The following TACC1 variants were observed in gnomAD, a reference collection of about 807,000 sequenced individuals.
The protein encoded by TACC1 is transforming acidic coiled-coil containing protein 1, also known as transforming acidic coiled-coil-containing protein 1.
Under a neutral mutation model 84.4 loss-of-function variants are expected in TACC1, and 48 were observed. That is an observed-to-expected ratio of 0.57 (90% CI 0.45 to 0.72). The LOEUF is 0.72. Among genes scored for constraint, TACC1 ranks in the 30% least tolerant of loss-of-function variants. TACC1 has a pLI of 0.00. For missense variants in TACC1, 920 were observed against 973.0 expected, an observed-to-expected ratio of 0.95 and a Z score of 0.72; for synonymous variants, 372 against 376.3, an observed-to-expected ratio of 0.99 and a Z score of 0.13.
At chr8:38,739,082 G>C (rs1806566382) in intron 1 of TACC1, among the ~76,000 whole-genome samples, 1 of 152,084 alleles carries the variant, frequency 6.6e-6, no homozygotes, top group African/African-American at 2.4e-5. Context: ...GTAGAGATGG[G>C]GTTTCCCCAT....
chr8:38,790,409 A>G (rs1271155238), intron 2 of TACC1, among the ~76,000 whole-genome samples: 1 of 152,236 alleles, frequency 6.6e-6, no homozygotes, highest in Admixed American at 6.5e-5. Context: ...TTCAGCCCAC[A>G]ACAGAGAGCT....
chr8:38,836,874 T>C lies in TACC1; in HGVS notation c.1839+587T>C, dbSNP rs1830343085. On this transcript the variant is annotated intron_variant, in intron 7 of 12. Transcript: ENST00000317827. ...GTATTTTGTGTGTTTGTTTTGTGTG[T>C]TTCTTGACAATTCCACCTGTTCTTA... Among the ~76,000 whole-genome samples the C allele has an allele frequency of 2.6e-5, 4 of 152,208 alleles. 1 individual carries two copies. The highest frequency in any genetic ancestry group is 2.6e-4 in the Admixed American group (4 of 15,290).
In TACC1 at chr8:38,820,122, A is replaced by AAACT; in HGVS notation, c.879_882dup (p.Pro295AsnfsTer7). 6.2e-7 allele frequency: 1 copy of AAACT among 1,614,086 alleles called. No homozygotes were observed. The highest frequency in any genetic ancestry group is 8.5e-7 in the Non-Finnish European group (1 of 1,180,008). On this transcript the variant is annotated frameshift_variant, in exon 3 of 13. Transcript: ENST00000317827. LOFTEE classifies it high-confidence loss of function. The stretch of plus-strand genomic sequence containing the variant: ...CAGAAGTCTCCCCCTGACCTTAAAG[A>AAACT]AACTCCCGGCACTCTCAGTAGTGAC...
chr8:38,763,420 G>A (rs1343431782), intron 3 of TACC1, among the ~76,000 whole-genome samples: 1 of 152,092 alleles, frequency 6.6e-6, no homozygotes, highest in African/African-American at 2.4e-5. Context: ...GCCTCCCAGA[G>A]TGCTAAGATT....
At chr8:38,764,426 T>TA (rs71216685) in intron 3 of TACC1, among the ~76,000 whole-genome samples, 7,564 of 100,898 alleles carry the variant, frequency 0.075, 239 homozygotes, top group South Asian at 0.12. Flanking sequence ...ATCAATTTGG[T>TA]AAAAAAAAAA....
At chr8:38,815,057 C>T (rs1825103747) in intron 2 of TACC1, among the ~76,000 whole-genome samples, 1 of 152,196 alleles carries the variant, frequency 6.6e-6, no homozygotes, top group Non-Finnish European at 1.5e-5. Context: ...GAAACAGTGG[C>T]TCCGGACCAT....
chr8:38,841,499 G>A (rs1831264680), intron 9 of TACC1, among the ~76,000 whole-genome samples: 1 of 152,298 alleles, frequency 6.6e-6, no homozygotes, highest in Middle Eastern at 3.4e-3. Flanking sequence ...GGTGACTAAA[G>A]CATTTTTGCA....
At chr8:38,757,032 T>C (rs980413060) in intron 3 of TACC1, among the ~76,000 whole-genome samples, 1 of 152,060 alleles carries the variant, frequency 6.6e-6, no homozygotes, top group Non-Finnish European at 1.5e-5. Context: ...ACCTAGGAGT[T>C]TCCTTGCCGG....
intron 4 of TACC1, 55 bp from the exon 5 acceptor site, chr8:38,827,113 T>C: frequency 6.6e-7 from 1 of 1,518,192 alleles, no homozygotes; most frequent in Non-Finnish European, 9.0e-7. Flanking sequence ...GGATGTCACT[T>C]TTCCCCATTG....
chr8:38,825,831 G>C (rs1004771868), intron 4 of TACC1, among the ~76,000 whole-genome samples: 1 of 152,162 alleles, frequency 6.6e-6, no homozygotes, highest in Admixed American at 6.5e-5. Context: ...ACATAACTTG[G>C]AAAGGGGTTC....
chr8:38,732,211 A>AGG, intron 1 of TACC1, among the ~76,000 whole-genome samples: 1 of 151,806 alleles, frequency 6.6e-6, no homozygotes, highest in African/African-American at 2.4e-5. Context: ...AGGAAAGGAA[A>AGG]AGAAAATGGT....
intron 2 of TACC1, among the ~76,000 whole-genome samples, chr8:38,817,325 C>T (rs1825654262): frequency 6.6e-6 from 1 of 152,230 alleles, no homozygotes; most frequent in African/African-American, 2.4e-5. Context: ...AACAATAACA[C>T]ATTTATAACA....
At chr8:38,834,220 C>T (rs1409054032) in intron 6 of TACC1, among the ~76,000 whole-genome samples, 1 of 152,248 alleles carries the variant, frequency 6.6e-6, no homozygotes, top group African/African-American at 2.4e-5. Context: ...GGAGGATCTG[C>T]TTCCAAGCTC....
At chr8:38,755,540 C>CA (rs1282592095) in intron 3 of TACC1, among the ~76,000 whole-genome samples, 12 of 148,148 alleles carry the variant, frequency 8.1e-5, no homozygotes, top group South Asian at 4.3e-4. Flanking sequence ...CCATCTCTAC[C>CA]AAAAAAAAAG....
intron 1 of TACC1, among the ~76,000 whole-genome samples, chr8:38,731,254 A>AATGGGAAAG: frequency 6.6e-6 from 1 of 152,276 alleles, no homozygotes; most frequent in Non-Finnish European, 1.5e-5. Context: ...GGTAAGGTTC[A>AATGGGAAAG]ATGGGAAAGT....
upstream of TACC1, among the ~76,000 whole-genome samples, chr8:38,786,964 G>A (rs757233730): frequency 2.0e-5 from 3 of 151,972 alleles, no homozygotes; most frequent in Non-Finnish European, 4.4e-5. Flanking sequence ...AGCGTGCCCC[G>A]GCTCAGAAAA....
At chr8:38,801,471 T>A (rs1434775050) in intron 2 of TACC1, among the ~76,000 whole-genome samples, 1 of 152,256 alleles carries the variant, frequency 6.6e-6, no homozygotes, top group Non-Finnish European at 1.5e-5. Flanking sequence ...TCAAAAAGAC[T>A]ATTCTTTTCC....
chr8:38,730,217 C>T (rs113520931), intron 1 of TACC1, among the ~76,000 whole-genome samples: 7 of 152,342 alleles, frequency 4.6e-5, no homozygotes, highest in African/African-American at 1.4e-4. Flanking sequence ...CTTGAATGAT[C>T]GCCTTCTGCC....
At chr8:38,752,073 G>A (rs1029922825) in intron 3 of TACC1, among the ~76,000 whole-genome samples, 2 of 152,188 alleles carry the variant, frequency 1.3e-5, no homozygotes, top group African/African-American at 4.8e-5. Context: ...GTAGCATTCT[G>A]GGGGTAGCGT....
Sources: allele counts gnomAD v4.1 joint callset (sites outside exome capture counted in the v4.1 genomes callset), GRCh38; gene constraint gnomAD v4.1.1; transcripts MANE v1.5; gene names NCBI Gene and HGNC (gene_info 2026-07-23, HGNC 2026-07-21).